Variants in NXPH1 observed in about 807,000 individuals in gnomAD.
NXPH1 encodes neurexophilin 1, also known as neurexophilin-1.
In NXPH1, 5 loss-of-function variants were observed where a neutral mutation model predicts 23.7. That is an observed-to-expected ratio of 0.21 (90% CI 0.11 to 0.44). The LOEUF is 0.44. NXPH1 is among the 20% of genes least tolerant of loss of function. The probability of loss-of-function intolerance (pLI) is 0.99; values close to 1 mark genes in which losing one functional copy is unlikely to be tolerated. For missense variants in NXPH1, 324 were observed against 321.6 expected (o/e 1.01, Z -0.06); for synonymous variants, 144 against 122.2 (o/e 1.18, Z -1.18).
intron 2 of NXPH1, among the ~76,000 whole-genome samples, chr7:8,587,523 A>G: frequency 6.6e-6 from 1 of 152,114 alleles, no homozygotes; most frequent in African/African-American, 2.4e-5. Flanking sequence ...TCTGGGATAC[A>G]TGTGCAGAAC....
chr7:8,552,570 T>C (rs1253435306), intron 2 of NXPH1, among the ~76,000 whole-genome samples: 1 of 151,510 alleles, frequency 6.6e-6, no homozygotes, highest in African/African-American at 2.4e-5. Flanking sequence ...TAAATTGCAT[T>C]AACCTTGTGC....
intron 2 of NXPH1, among the ~76,000 whole-genome samples, chr7:8,718,423 T>A (rs1039564571): frequency 1.3e-5 from 2 of 152,224 alleles, no homozygotes; most frequent in African/African-American, 4.8e-5. Flanking sequence ...TCTGTGCTAC[T>A]TGAATAAAGC....
chr7:8,616,524 A>G (rs927916726), intron 2 of NXPH1, among the ~76,000 whole-genome samples: 1 of 152,084 alleles, frequency 6.6e-6, no homozygotes, highest in African/African-American at 2.4e-5. Flanking sequence ...AACTCCAAGT[A>G]TAGTGCCTTG....
intron 2 of NXPH1, among the ~76,000 whole-genome samples, chr7:8,589,291 C>T (rs1022171440): frequency 6.6e-6 from 1 of 152,028 alleles, no homozygotes; most frequent in African/African-American, 2.4e-5. Flanking sequence ...CTTTGGCAGG[C>T]CCGGTCACTT....
At chr7:8,523,958 T>C (rs2128616142) in intron 2 of NXPH1, among the ~76,000 whole-genome samples, 1 of 152,146 alleles carries the variant, frequency 6.6e-6, no homozygotes, top group Non-Finnish European at 1.5e-5. Flanking sequence ...AGGAAAGCTA[T>C]CTTCAGCCGG....
chr7:8,436,004 G>A (rs572672554), intron 2 of NXPH1, among the ~76,000 whole-genome samples: 33 of 152,274 alleles, frequency 2.2e-4, no homozygotes, highest in Middle Eastern at 3.4e-3. Context: ...AAGGGGCTAG[G>A]GCGCCCCAGA....
intron 2 of NXPH1, among the ~76,000 whole-genome samples, chr7:8,694,573 G>T (rs1026553891): frequency 6.6e-6 from 1 of 151,950 alleles, no homozygotes; most frequent in African/African-American, 2.4e-5. Context: ...CTCCTTAAAC[G>T]GGTTATAATA....
intron 2 of NXPH1, among the ~76,000 whole-genome samples, chr7:8,440,785 G>A (rs1816283554): frequency 2.0e-5 from 3 of 152,112 alleles, no homozygotes; most frequent in African/African-American, 7.2e-5. Flanking sequence ...GGGGGGCGAT[G>A]GGGAAGAAGG....
intron 2 of NXPH1, among the ~76,000 whole-genome samples, chr7:8,678,577 G>A (rs1418869022): frequency 6.6e-6 from 1 of 151,966 alleles, no homozygotes; most frequent in African/African-American, 2.4e-5. Context: ...GTGTTCAGGG[G>A]CACCCATCCT....
At chr7:8,668,270 A>G (rs201846055) in intron 2 of NXPH1, among the ~76,000 whole-genome samples, 6,072 of 44,492 alleles carry the variant, frequency 0.14, 337 homozygotes, top group African/African-American at 0.31. Flanking sequence ...TTTTTTTTTT[A>G]TTTTGTTGTT....
At chr7:8,723,030 T>G (rs1433253256) in intron 2 of NXPH1, among the ~76,000 whole-genome samples, 1 of 152,176 alleles carries the variant, frequency 6.6e-6, no homozygotes, top group African/African-American at 2.4e-5. Context: ...TACTCACATT[T>G]TAATATCGTT....
intron 2 of NXPH1, among the ~76,000 whole-genome samples, chr7:8,499,071 A>G (rs1817388004): frequency 6.6e-6 from 1 of 152,100 alleles, no homozygotes; most frequent in African/African-American, 2.4e-5. Flanking sequence ...AGGTAAGATG[A>G]TGCGAGGCAC....
At chr7:8,544,499 G>C (rs1818171098) in intron 2 of NXPH1, among the ~76,000 whole-genome samples, 1 of 151,618 alleles carries the variant, frequency 6.6e-6, no homozygotes, top group Middle Eastern at 3.2e-3. Context: ...ATGGAAGGAT[G>C]CTTGGCATTT....
chr7:8,744,194 T>G (rs1302998667), intron 2 of NXPH1, among the ~76,000 whole-genome samples: 1 of 152,222 alleles, frequency 6.6e-6, no homozygotes, highest in African/African-American at 2.4e-5. Flanking sequence ...TGCATACACT[T>G]ATGTTAATAA....
chr7:8,696,034 C>T (rs1583234399), intron 2 of NXPH1, among the ~76,000 whole-genome samples: 1 of 152,166 alleles, frequency 6.6e-6, no homozygotes, highest in African/African-American at 2.4e-5. Flanking sequence ...AGTTTTGTTT[C>T]ATATTAAAAA....
chr7:8,601,559 A>G (rs1819361373), intron 2 of NXPH1, among the ~76,000 whole-genome samples: 1 of 152,164 alleles, frequency 6.6e-6, no homozygotes, highest in African/African-American at 2.4e-5. Flanking sequence ...TTATTCCAGG[A>G]ATGATTAGTG....
chr7:8,584,440 AT>A (rs1818940862), intron 2 of NXPH1, among the ~76,000 whole-genome samples: 1 of 152,200 alleles, frequency 6.6e-6, no homozygotes, highest in Non-Finnish European at 1.5e-5. Context: ...ATGCATGCAT[AT>A]TTTTATTATA....
At chr7:8,505,094 ATTT>A (rs896382400) in intron 2 of NXPH1, among the ~76,000 whole-genome samples, 8 of 151,842 alleles carry the variant, frequency 5.3e-5, no homozygotes, top group African/African-American at 1.7e-4. Context: ...TTTAAATTCA[ATTT>A]TTTGTCATTT....
chr7:8,732,165 T>C lies in NXPH1; in HGVS notation c.55-18843T>C, dbSNP rs1481734243. Among the ~76,000 whole-genome samples, 10 of 152,266 alleles carry C rather than the reference T, an allele frequency of 6.6e-5. No individual in the cohort carries two copies. In the East Asian group the frequency reaches 1.9e-3, roughly 29 times the overall value. On this transcript the variant is annotated intron_variant, in intron 2 of 2. Coordinates refer to ENST00000405863, the MANE Select transcript of NXPH1 (RefSeq NM_152745.3). ...AAGGGAACTCCCTGACCCCTTGCGCTTCCTGAGTGAGGCAATGCCTCGCCA... is the reference window on the plus strand; with the variant it reads ...AAGGGAACTCCCTGACCCCTTGCGCCTCCTGAGTGAGGCAATGCCTCGCCA...
Sources: allele counts gnomAD v4.1 joint callset (sites outside exome capture counted in the v4.1 genomes callset), GRCh38; gene constraint gnomAD v4.1.1; transcripts MANE v1.5; gene names NCBI Gene and HGNC (gene_info 2026-07-23, HGNC 2026-07-21).